Variants in EIF4G3 observed in about 807,000 individuals in gnomAD.
The protein encoded by EIF4G3 is eukaryotic translation initiation factor 4 gamma 3.
Under a neutral mutation model 186.4 loss-of-function variants are expected in EIF4G3, and 34 were observed. The observed-to-expected ratio is 0.18, with a 90% CI of 0.14 to 0.24. EIF4G3 has a LOEUF of 0.24. Among genes scored for constraint, EIF4G3 ranks in the 10% least tolerant of loss-of-function variants. The probability of loss-of-function intolerance (pLI) is 1.00; values close to 1 mark genes in which losing one functional copy is unlikely to be tolerated. For missense variants in EIF4G3, 1,536 were observed against 1,948.5 expected (o/e 0.79, Z 3.99); for synonymous variants, 673 against 679.5 (o/e 0.99, Z 0.15).
At chr1:20,809,335 G>T (rs2058768265) in intron 36 of EIF4G3, among the ~76,000 whole-genome samples, 1 of 152,176 alleles carries the variant, frequency 6.6e-6, no homozygotes, top group Admixed American at 6.5e-5. Flanking sequence ...AGGATAATTT[G>T]CTTTCATCTT....
rs567758570 is a variant in EIF4G3, at chr1:21,172,618, G to A, written c.-272+3557C>T. 4.6e-5 allele frequency among the ~76,000 whole-genome samples: 7 copies of A among 152,162 alleles called. No homozygotes were observed. In the East Asian group the frequency reaches 7.8e-4, roughly 17 times the overall value. ...GGTTGGAGTGCAGTAGAGCGATCTCGGCTCACTGCAATCTCCGCCTCGCGG... is the reference window on the plus strand; with the variant it reads ...GGTTGGAGTGCAGTAGAGCGATCTCAGCTCACTGCAATCTCCGCCTCGCGG... On this transcript the variant is annotated intron_variant, in intron 2 of 36. Transcript: ENST00000602326.
At chr1:20,924,541 T>C (rs1456838074) in intron 14 of EIF4G3, among the ~76,000 whole-genome samples, 3 of 152,224 alleles carry the variant, frequency 2.0e-5, no homozygotes, top group African/African-American at 7.2e-5. Context: ...ATATATCAGA[T>C]AAATCATGAG....
In EIF4G3 at chr1:20,810,657, G is replaced by C. The variant is rs140127672; in HGVS notation, c.4744+81C>G. 6.8e-7 allele frequency: 1 copy of C among 1,473,968 alleles called. No individual in the cohort carries two copies. Among genetic ancestry groups the C allele is most frequent in the Non-Finnish European group, 9.4e-7 (1 of 1,067,552 alleles). The allele number at this position is 1,473,968 out of a possible 1,614,324, so 91.3% of individuals were successfully genotyped here. On this transcript the variant is annotated intron_variant, in intron 36 of 36. Coordinates refer to ENST00000602326, the MANE Select transcript of EIF4G3 (RefSeq NM_001391906.1). This position sits in a 1 kb window ranked among gnomAD's most constrained non-coding sequence, Gnocchi z 4.1. ...GTGATTCTTTTATTGTCCTTTGTTC[G>C]AACCCTAAATCATCTCTAAGTCCTG...
chr1:21,156,587 T>C (rs186350184), intron 2 of EIF4G3, among the ~76,000 whole-genome samples: 3 of 152,328 alleles, frequency 2.0e-5, no homozygotes, highest in Admixed American at 6.5e-5. Flanking sequence ...AAATCCTACA[T>C]CTTTCTTACT....
chr1:20,956,510 A>G (rs993497484), intron 12 of EIF4G3, among the ~76,000 whole-genome samples: 1 of 149,878 alleles, frequency 6.7e-6, no homozygotes, highest in Non-Finnish European at 1.5e-5. Flanking sequence ...GAATGAGTCA[A>G]ATGGGACTTG....
At chr1:21,062,416 A>T (rs1273639234) in intron 3 of EIF4G3, among the ~76,000 whole-genome samples, 1 of 152,146 alleles carries the variant, frequency 6.6e-6, no homozygotes, top group Non-Finnish European at 1.5e-5. Flanking sequence ...AATCAGTAAT[A>T]TCCTAAACTA....
At chr1:20,825,257 A>G in intron 32 of EIF4G3, 59 bp from the exon 33 acceptor site, 1 of 1,192,980 alleles carries the variant, frequency 8.4e-7, no homozygotes, top group Non-Finnish European at 1.2e-6. Context: ...AACAGAAAAA[A>G]AAAAAAAAAA....
chr1:20,937,380 C>T (rs192417522), intron 14 of EIF4G3, among the ~76,000 whole-genome samples: 1 of 152,150 alleles, frequency 6.6e-6, no homozygotes, highest in African/African-American at 2.4e-5. Flanking sequence ...AAACATTAAA[C>T]CCAGATTTAG....
intron 4 of EIF4G3, 46 bp downstream of exon 4, chr1:21,050,820 C>A: frequency 1.5e-6 from 1 of 683,040 alleles, no homozygotes; most frequent in Non-Finnish European, 2.7e-6. Context: ...AAAAATGATG[C>A]CTTTACAGGG....
chr1:20,999,332 T>C (rs1467436748), intron 6 of EIF4G3: 4 of 368,976 alleles, frequency 1.1e-5, no homozygotes, highest in African/African-American at 6.4e-5. Flanking sequence ...GTTTTCCAAT[T>C]AGGAGAAGAA....
intron 14 of EIF4G3, among the ~76,000 whole-genome samples, chr1:20,911,170 GA>G (rs915001147): frequency 3.9e-5 from 6 of 152,116 alleles, no homozygotes; most frequent in South Asian, 4.1e-4. Context: ...GTATGATTCT[GA>G]TCTCCAGAGG....
chr1:20,989,717 T>A (rs753179010), intron 7 of EIF4G3, among the ~76,000 whole-genome samples: 8 of 152,128 alleles, frequency 5.3e-5, no homozygotes, highest in Non-Finnish European at 8.8e-5. Flanking sequence ...GGTAAGGAGC[T>A]GTGAACATTG....
chr1:20,878,922 T>A lies in EIF4G3; in HGVS notation c.2622+401A>T, dbSNP rs374248141. On this transcript the variant is annotated intron_variant, in intron 20 of 36. Transcript: ENST00000602326. ...TGACTACAGAACAACTATCCTTTCA[T>A]TTTCACAGAGATTAGAATTAGAATC... Among the ~76,000 whole-genome samples, 3 of 152,332 alleles carry A rather than the reference T, an allele frequency of 2.0e-5. No homozygotes were observed. In the South Asian group the frequency reaches 6.2e-4, roughly 32 times the overall value.
intron 14 of EIF4G3, among the ~76,000 whole-genome samples, chr1:20,937,786 T>A (rs1314785435): frequency 6.6e-6 from 1 of 152,162 alleles, no homozygotes; most frequent in African/African-American, 2.4e-5. Flanking sequence ...CACTCCTTTT[T>A]CCTCCCACCA....
intron 4 of EIF4G3, among the ~76,000 whole-genome samples, chr1:21,048,702 A>T (rs2094033591): frequency 6.6e-6 from 1 of 152,100 alleles, no homozygotes. Flanking sequence ...GGCACCCTAG[A>T]GGGCAGAATT....
intron 2 of EIF4G3, among the ~76,000 whole-genome samples, chr1:21,163,075 T>A (rs149513157): frequency 9.0e-4 from 137 of 152,306 alleles, no homozygotes; most frequent in African/African-American, 3.2e-3. Flanking sequence ...CAAAGACACT[T>A]CTTTTTAAAT....
At chr1:20,934,942 C>A (rs191019221) in intron 14 of EIF4G3, among the ~76,000 whole-genome samples, 1 of 152,114 alleles carries the variant, frequency 6.6e-6, no homozygotes, top group African/African-American at 2.4e-5. Flanking sequence ...ATTATTTTTA[C>A]AGCACTTAAA....
At chr1:21,003,290 A>AT (rs1284607102) in intron 4 of EIF4G3, among the ~76,000 whole-genome samples, 2 of 149,804 alleles carry the variant, frequency 1.3e-5, no homozygotes, top group Admixed American at 6.7e-5. Flanking sequence ...CAACTTTTTA[A>AT]TTTTTTTTAA....
chr1:20,853,769 C>A, intron 26 of EIF4G3, 92 bp from the exon 27 acceptor site: 1 of 891,684 alleles, frequency 1.1e-6, no homozygotes. Flanking sequence ...GGCCTGAGAC[C>A]AGGCATTCCT....
Sources: gnomAD v4.1 joint callset for allele counts (sites outside exome capture counted in the v4.1 genomes callset) on GRCh38, gnomAD v4.1.1 for gene constraint, Gnocchi (gnomAD v3.1) non-coding constraint, MANE v1.5 for transcripts, NCBI Gene and HGNC (gene_info 2026-07-23, HGNC 2026-07-21) for gene names.